The following KIF16B variants were observed in gnomAD, a reference collection of about 807,000 sequenced individuals.
KIF16B encodes the protein kinesin family member 16B.
Under a neutral mutation model 156.3 loss-of-function variants are expected in KIF16B, and 98 were observed. The observed-to-expected ratio is 0.63, with a 90% CI of 0.53 to 0.74. KIF16B has a LOEUF of 0.74. Ranked by LOEUF, KIF16B falls within the 30% of genes least tolerant of loss-of-function variation. The pLI, the probability that KIF16B is intolerant of heterozygous loss-of-function variation, is 0.00. For missense variants in KIF16B, 1,421 were observed against 1,606.5 expected (o/e 0.88, Z 1.97); for synonymous variants, 564 against 583.7 (o/e 0.97, Z 0.49).
At chr20:16,482,727 TAAG>T (rs1260102501) in intron 12 of KIF16B, among the ~76,000 whole-genome samples, 3 of 152,140 alleles carry the variant, frequency 2.0e-5, no homozygotes, top group Non-Finnish European at 2.9e-5. Flanking sequence ...TATTTTCTCT[TAAG>T]AAGTAAAAGA....
At chr20:16,511,602 GCAAC>G in intron 5 of KIF16B, 75 bp from the exon 6 acceptor site, 1 of 870,346 alleles carries the variant, frequency 1.1e-6, no homozygotes, top group Non-Finnish European at 1.8e-6. Flanking sequence ...CATAACAGCA[GCAAC>G]CTGCTGACAT....
chr20:16,456,306 T>C (rs1349788674), intron 12 of KIF16B, among the ~76,000 whole-genome samples: 3 of 152,208 alleles, frequency 2.0e-5, no homozygotes, highest in Non-Finnish European at 4.4e-5. Context: ...TCTCAAATAC[T>C]TAAATTCTGA....
chr20:16,365,100 T>A (rs1022491104), intron 22 of KIF16B, among the ~76,000 whole-genome samples: 2 of 152,232 alleles, frequency 1.3e-5, no homozygotes, highest in Non-Finnish European at 2.9e-5. Flanking sequence ...TCATTAATTG[T>A]TTTTCTTTCT....
intron 25 of KIF16B, 109 bp from the exon 26 acceptor site, chr20:16,273,520 A>C: frequency 3.1e-5 from 25 of 803,112 alleles, no homozygotes; most frequent in Non-Finnish European, 3.9e-5. Context: ...GAGAAACCTC[A>C]TCTCTACAAA....
intron 11 of KIF16B, among the ~76,000 whole-genome samples, chr20:16,496,463 G>C (rs1343105814): frequency 6.6e-6 from 1 of 152,186 alleles, no homozygotes; most frequent in Non-Finnish European, 1.5e-5. Context: ...ATGCAAACAT[G>C]TGCTACTACT....
chr20:16,321,864 G>A lies in KIF16B; in HGVS notation c.3712-9446C>T, dbSNP rs183860730. 1.3e-4 allele frequency among the ~76,000 whole-genome samples: 19 copies of A among 151,944 alleles called. 1 individual carries two copies. The highest frequency in any genetic ancestry group is 1.5e-5 in the Non-Finnish European group (1 of 67,920). On this transcript the variant is annotated intron_variant, in intron 24 of 25. Transcript: ENST00000354981. ...AGCTATTATCCTTACAGCAGGAGTG[G>A]GAAATGATGCAAAGATATTTGAGCT...
At chr20:16,443,188 C>T (rs943588080) in intron 12 of KIF16B, among the ~76,000 whole-genome samples, 2 of 152,146 alleles carry the variant, frequency 1.3e-5, no homozygotes, top group Non-Finnish European at 2.9e-5. Context: ...AACCCCCTTC[C>T]ACCTTGTATT....
intron 12 of KIF16B, among the ~76,000 whole-genome samples, chr20:16,478,787 G>A (rs969094688): frequency 1.3e-5 from 2 of 152,100 alleles, no homozygotes; most frequent in Admixed American, 6.5e-5. Flanking sequence ...CTCTTACTGT[G>A]CCTAATTTAT....
intron 12 of KIF16B, among the ~76,000 whole-genome samples, chr20:16,492,503 C>A (rs541567366): frequency 6.6e-6 from 1 of 152,126 alleles, no homozygotes; most frequent in Non-Finnish European, 1.5e-5. Flanking sequence ...TTTCCCTTCT[C>A]CTATGAAAAG....
chr20:16,481,355 T>C (rs919225526), intron 12 of KIF16B, among the ~76,000 whole-genome samples: 10 of 151,950 alleles, frequency 6.6e-5, no homozygotes, highest in African/African-American at 2.4e-4. Flanking sequence ...GCCACCTGTC[T>C]GGTTAATTTT....
At chr20:16,471,103 G>A (rs565868371) in intron 12 of KIF16B, among the ~76,000 whole-genome samples, 1 of 152,258 alleles carries the variant, frequency 6.6e-6, no homozygotes, top group African/African-American at 2.4e-5. Flanking sequence ...AACAGAGAGA[G>A]CTAACCATCA....
chr20:16,314,702 G>A (rs984974374), intron 24 of KIF16B, among the ~76,000 whole-genome samples: 1 of 152,184 alleles, frequency 6.6e-6, no homozygotes, highest in African/African-American at 2.4e-5. Context: ...CTGGATTTTA[G>A]CTATATTAAT....
chr20:16,424,272 G>C (rs1262350235), intron 15 of KIF16B, among the ~76,000 whole-genome samples: 1 of 151,982 alleles, frequency 6.6e-6, no homozygotes, highest in African/African-American at 2.4e-5. Flanking sequence ...GAGATGAATG[G>C]GTGGGTGGAT....
rs555459714 is a variant in KIF16B, at chr20:16,292,727, C to T, written c.3796-19316G>A. ...GTGGTTCTTAAAATACATGGATGTGCAAGAAGAATTTTAAACACGTCTTTT... is the reference window on the plus strand; with the variant it reads ...GTGGTTCTTAAAATACATGGATGTGTAAGAAGAATTTTAAACACGTCTTTT... On this transcript the variant is annotated intron_variant, in intron 25 of 25. Coordinates refer to ENST00000354981, the MANE Select transcript of KIF16B (RefSeq NM_024704.5). 4.3e-4 allele frequency among the ~76,000 whole-genome samples: 65 copies of T among 152,162 alleles called. No homozygotes were observed. The East Asian group carries it at 9.7e-3, about 23-fold the overall frequency.
intron 16 of KIF16B, among the ~76,000 whole-genome samples, chr20:16,405,907 C>T (rs2146270037): frequency 6.6e-6 from 1 of 152,224 alleles, no homozygotes. Context: ...ACGTCCTGCC[C>T]TTTAGACGTC....
chr20:16,422,232 G>A (rs973652201), intron 15 of KIF16B, among the ~76,000 whole-genome samples: 37 of 152,184 alleles, frequency 2.4e-4, no homozygotes, highest in African/African-American at 7.7e-4. Context: ...TCCTTAAGGC[G>A]GTGGGGAAGG....
At chr20:16,325,082 G>T (rs767396999) in intron 24 of KIF16B, among the ~76,000 whole-genome samples, 53 of 151,892 alleles carry the variant, frequency 3.5e-4, no homozygotes, top group Non-Finnish European at 6.9e-4. Context: ...GCAGAAAAGG[G>T]ATTTGACAAA....
intron 12 of KIF16B, among the ~76,000 whole-genome samples, chr20:16,459,064 CTTATG>C (rs147339423): frequency 0.076 from 11,635 of 152,130 alleles, 611 homozygotes; most frequent in African/African-American, 0.14. Flanking sequence ...AGCTTTAATG[CTTATG>C]TTATAATTTT....
At chr20:16,410,732 A>T (rs561942796) in intron 15 of KIF16B, among the ~76,000 whole-genome samples, 17 of 152,244 alleles carry the variant, frequency 1.1e-4, no homozygotes, top group Admixed American at 5.2e-4. Flanking sequence ...ATAAGCAATC[A>T]CCTGGTGATC....
Sources: allele counts gnomAD v4.1 joint callset (sites outside exome capture counted in the v4.1 genomes callset), GRCh38; gene constraint gnomAD v4.1.1; transcripts MANE v1.5; gene names NCBI Gene and HGNC (gene_info 2026-07-23, HGNC 2026-07-21).